The following CDH12 variants were observed in gnomAD, a reference collection of about 807,000 sequenced individuals.
CDH12 encodes cadherin-12.
A neutral mutation model predicts 74.1 loss-of-function variants in CDH12; 41 were observed. That is an observed-to-expected ratio of 0.55 (90% CI 0.43 to 0.72). The LOEUF (loss-of-function observed/expected upper bound fraction) is 0.72. CDH12 is among the 30% of genes least tolerant of loss of function. The probability of loss-of-function intolerance (pLI) is 0.00; values close to 1 mark genes in which losing one functional copy is unlikely to be tolerated. For synonymous variants in CDH12, 399 were observed against 355.0 expected (o/e 1.12, Z -1.39); for missense variants, 945 against 977.2 (o/e 0.97, Z 0.44).
At chr5:22,443,192 G>A (rs140587651) in intron 2 of CDH12, among the ~76,000 whole-genome samples, 1 of 152,232 alleles carries the variant, frequency 6.6e-6, no homozygotes, top group East Asian at 1.9e-4. Flanking sequence ...CATCATAGCA[G>A]AGTACGTTTT....
chr5:22,222,523 AC>A (rs1169719555), intron 3 of CDH12, among the ~76,000 whole-genome samples: 2 of 151,862 alleles, frequency 1.3e-5, no homozygotes, highest in African/African-American at 4.8e-5. Flanking sequence ...ACTCTTTTTC[AC>A]TTAAAGAATG....
intron 4 of CDH12, among the ~76,000 whole-genome samples, chr5:22,192,416 G>T (rs1750359532): frequency 6.6e-6 from 1 of 152,184 alleles, no homozygotes; most frequent in African/African-American, 2.4e-5. Context: ...CTGGAAATGA[G>T]AGAGCGTTTT....
intron 1 of CDH12, among the ~76,000 whole-genome samples, chr5:22,587,074 G>A (rs1224714082): frequency 6.6e-6 from 1 of 151,970 alleles, no homozygotes; most frequent in Non-Finnish European, 1.5e-5. Flanking sequence ...GACCTCAGGC[G>A]ATCTGCCCGT....
intron 3 of CDH12, among the ~76,000 whole-genome samples, chr5:22,291,043 G>C (rs1276575404): frequency 2.0e-5 from 3 of 152,090 alleles, no homozygotes; most frequent in African/African-American, 7.2e-5. Flanking sequence ...ATTTATTCCA[G>C]GGATGCGAGG....
intron 2 of CDH12, among the ~76,000 whole-genome samples, chr5:22,438,838 T>C (rs959063147): frequency 2.6e-5 from 4 of 151,728 alleles, no homozygotes; most frequent in African/African-American, 7.2e-5. Context: ...ATTATTTTTA[T>C]TAATCTATAA....
intron 5 of CDH12, among the ~76,000 whole-genome samples, chr5:22,026,802 A>G (rs923365677): frequency 5.3e-5 from 8 of 152,114 alleles, no homozygotes; most frequent in Non-Finnish European, 1.2e-4. Flanking sequence ...TAAAGTTTCT[A>G]CACTTTCACT....
intron 5 of CDH12, among the ~76,000 whole-genome samples, chr5:22,012,692 G>A (rs1328481072): frequency 2.7e-5 from 4 of 149,958 alleles, no homozygotes; most frequent in African/African-American, 9.8e-5. Flanking sequence ...TAGAGAATTT[G>A]GAGCCTGAAA....
At chr5:22,413,714 GAC>G (rs1036105627) in intron 2 of CDH12, among the ~76,000 whole-genome samples, 18 of 152,090 alleles carry the variant, frequency 1.2e-4, no homozygotes, top group African/African-American at 3.9e-4. Context: ...ATAGCATATA[GAC>G]ACACATACAT....
intron 5 of CDH12, among the ~76,000 whole-genome samples, chr5:22,028,025 C>T (rs1014825183): frequency 3.3e-5 from 5 of 152,082 alleles, no homozygotes; most frequent in Admixed American, 3.3e-4. Context: ...TCTTTGTTCT[C>T]GTTGGTTTCA....
At chr5:22,628,303 T>C (rs1378287292) in intron 1 of CDH12, among the ~76,000 whole-genome samples, 3 of 152,164 alleles carry the variant, frequency 2.0e-5, no homozygotes, top group Non-Finnish European at 2.9e-5. Context: ...TACATTCTTC[T>C]TGTCTGCGCA....
intron 1 of CDH12, among the ~76,000 whole-genome samples, chr5:22,630,392 A>T (rs1316017579): frequency 6.6e-6 from 1 of 152,058 alleles, no homozygotes; most frequent in Non-Finnish European, 1.5e-5. Context: ...CCAACTTCGA[A>T]CTAAGCTAAA....
At chr5:22,464,941 G>T (rs1441137839) in intron 2 of CDH12, among the ~76,000 whole-genome samples, 1 of 151,156 alleles carries the variant, frequency 6.6e-6, no homozygotes, top group African/African-American at 2.4e-5. Flanking sequence ...GGCGGAGGCT[G>T]CAGTGAGCCG....
chr5:22,827,249 G>A (rs1736387190), intron 1 of CDH12, among the ~76,000 whole-genome samples: 1 of 152,188 alleles, frequency 6.6e-6, no homozygotes, highest in African/African-American at 2.4e-5. Flanking sequence ...GAGCCTGCGA[G>A]TACACAGAAT....
Position 21,764,997 on chromosome 5 carries a change from T to C in CDH12, c.1496A>G (p.Glu499Gly), listed in dbSNP as rs1744937154. ...ISVPYETAVC[E>G]NAKPGQIIQI... ...AGATACCTGTCCTGGCTTGGCATTT[T>C]CACACACGGCTGTCTCATATGGCAC... The change falls in exon 12 of 15, where the codon GAA (glutamate) becomes GGA (glycine). Residue 499 changes from glutamate (E) to glycine (G), a missense_variant. Physicochemically the swap from Glu to Gly is moderately conservative, Grantham distance 98 (BLOSUM62 -2). Around this residue, in one of 3 missense-constraint regions of CDH12, gnomAD observed 791 missense variants for 792.8 expected, o/e 1.00. Coordinates refer to ENST00000382254, the MANE Select transcript of CDH12 (RefSeq NM_004061.5). 1 of 1,613,794 alleles carries C rather than the reference T, an allele frequency of 6.2e-7. No individual in the cohort carries two copies. Among genetic ancestry groups the C allele is most frequent in the Non-Finnish European group, 8.5e-7 (1 of 1,179,806 alleles).
chr5:22,229,016 C>T (rs1283535029), intron 3 of CDH12, among the ~76,000 whole-genome samples: 2 of 152,038 alleles, frequency 1.3e-5, no homozygotes, highest in African/African-American at 2.4e-5. Context: ...TAGATATCCT[C>T]CCTTCAAGTG....
At chr5:21,827,291 A>T (rs1225366933) in intron 8 of CDH12, among the ~76,000 whole-genome samples, 2 of 152,164 alleles carry the variant, frequency 1.3e-5, no homozygotes, top group Admixed American at 1.3e-4. Context: ...AGCTAGACTG[A>T]GTGATGCAAA....
chr5:22,011,604 T>C lies in CDH12; in HGVS notation c.232-36219A>G, dbSNP rs560827080. On this transcript the variant is annotated intron_variant, in intron 5 of 14. Coordinates refer to ENST00000382254, the MANE Select transcript of CDH12 (RefSeq NM_004061.5). The stretch of plus-strand genomic sequence containing the variant: ...GGAATACACTGCTAGAAACTAATTC[T>C]TCTTGGCATGGACTTTGTATACTAA... Among the ~76,000 whole-genome samples, 6 of 152,312 alleles carry C rather than the reference T, an allele frequency of 3.9e-5. No homozygotes were observed. In the South Asian group the frequency reaches 1.2e-3, roughly 32 times the overall value.
chr5:22,690,296 G>A (rs1031746314), intron 1 of CDH12, among the ~76,000 whole-genome samples: 1 of 151,994 alleles, frequency 6.6e-6, no homozygotes, highest in African/African-American at 2.4e-5. Context: ...ATAAAACAGG[G>A]TATGGGAATT....
At chr5:21,756,594 A>G (rs1184219986) in intron 13 of CDH12, among the ~76,000 whole-genome samples, 1 of 152,152 alleles carries the variant, frequency 6.6e-6, no homozygotes, top group East Asian at 1.9e-4. Flanking sequence ...GCTCTTTTGC[A>G]TGCATTTGCT....
Sources: gnomAD v4.1 joint callset for allele counts (sites outside exome capture counted in the v4.1 genomes callset) on GRCh38, gnomAD v4.1.1 for gene constraint, gnomAD v4.1.1 regional missense constraint, MANE v1.5 for transcripts, NCBI Gene and HGNC (gene_info 2026-07-23, HGNC 2026-07-21) for gene names.